The following SORCS2 variants were observed in gnomAD, a reference collection of about 807,000 sequenced individuals.
The protein encoded by SORCS2 is sortilin related VPS10 domain containing receptor 2.
A neutral mutation model predicts 141.6 loss-of-function variants in SORCS2; 100 were observed. The ratio of observed to expected loss-of-function variants is 0.71; its 90% CI spans 0.60 to 0.83. SORCS2 has a LOEUF of 0.83. Among genes scored for constraint, SORCS2 ranks in the 40% least tolerant of loss-of-function variants. SORCS2 has a pLI of 0.00. For synonymous variants in SORCS2, 789 were observed against 676.9 expected, an observed-to-expected ratio of 1.17 and a Z score of -2.57; for missense variants, 1,646 against 1,560.2, an observed-to-expected ratio of 1.05 and a Z score of -0.93.
chr4:7,363,104 C>T (rs1210225963), intron 1 of SORCS2, among the ~76,000 whole-genome samples: 3 of 149,680 alleles, frequency 2.0e-5, no homozygotes, highest in Admixed American at 6.6e-5. Context: ...TCACCACTAC[C>T]ATCACCATCA....
At chr4:7,738,947 C>A (rs1422813604) in intron 26 of SORCS2, among the ~76,000 whole-genome samples, 2 of 152,142 alleles carry the variant, frequency 1.3e-5, no homozygotes. Flanking sequence ...CATCGCCAGC[C>A]CAGGTGTGTT....
chr4:7,280,989 C>T (rs1327423292), intron 1 of SORCS2, among the ~76,000 whole-genome samples: 2 of 152,164 alleles, frequency 1.3e-5, no homozygotes, highest in Non-Finnish European at 2.9e-5. Flanking sequence ...CCAAAGAGCC[C>T]AGTGTGAGGA....
At chr4:7,682,103 C>T (rs1723559792) in intron 9 of SORCS2, among the ~76,000 whole-genome samples, 1 of 152,184 alleles carries the variant, frequency 6.6e-6, no homozygotes, top group Admixed American at 6.5e-5. Context: ...TCTTATAGGT[C>T]AACTTAGTAA....
intron 3 of SORCS2, among the ~76,000 whole-genome samples, chr4:7,569,905 C>T (rs1315023227): frequency 6.6e-6 from 1 of 152,198 alleles, no homozygotes; most frequent in East Asian, 1.9e-4. Context: ...GAACTTCCTC[C>T]TCCCCACCCC....
chr4:7,555,601 G>GCC, intron 3 of SORCS2, among the ~76,000 whole-genome samples: 1 of 152,232 alleles, frequency 6.6e-6, no homozygotes, highest in Non-Finnish European at 1.5e-5. Context: ...AACAGACATA[G>GCC]CCCCTGCTCT....
Position 7,663,462 on chromosome 4 carries a change from G to A in SORCS2, c.953-891G>A, listed in dbSNP as rs143711940. On this transcript the variant is annotated intron_variant, in intron 6 of 26. Coordinates refer to ENST00000507866, the MANE Select transcript of SORCS2 (RefSeq NM_020777.3). The surrounding 1 kb of genome is among the most constrained non-coding windows in gnomAD (Gnocchi z 4.8). The stretch of plus-strand genomic sequence containing the variant: ...GTTCAGTGGTTCAGTGTTGAGTGCC[G>A]GGCACACCAGTCAGTTTCAAGGGAA... Among the ~76,000 whole-genome samples the A allele has an allele frequency of 1.0e-3, 156 of 152,284 alleles. No homozygotes were observed. The highest frequency in any genetic ancestry group is 6.8e-3 in the Middle Eastern group (2 of 292).
intron 1 of SORCS2, among the ~76,000 whole-genome samples, chr4:7,384,055 A>G (rs1253193111): frequency 6.6e-6 from 1 of 152,188 alleles, no homozygotes; most frequent in Non-Finnish European, 1.5e-5. Context: ...TATTTCAGAC[A>G]CTGGGTTTCG....
At chr4:7,460,835 G>A (rs1366232627) in intron 2 of SORCS2, among the ~76,000 whole-genome samples, 2 of 152,164 alleles carry the variant, frequency 1.3e-5, no homozygotes, top group Admixed American at 6.5e-5. Context: ...TGACCCTGCC[G>A]TGAACTCACA....
At chr4:7,359,322 C>T (rs368052928) in intron 1 of SORCS2, among the ~76,000 whole-genome samples, 1 of 134,916 alleles carries the variant, frequency 7.4e-6, no homozygotes, top group Admixed American at 7.3e-5. Flanking sequence ...ACAAAAAAAA[C>T]AAAGACTTAC....
At chr4:7,383,855 A>G (rs572598655) in intron 1 of SORCS2, among the ~76,000 whole-genome samples, 2 of 152,356 alleles carry the variant, frequency 1.3e-5, no homozygotes, top group South Asian at 4.1e-4. Context: ...TGGAGAGTAA[A>G]TAATATTTTC....
intron 3 of SORCS2, among the ~76,000 whole-genome samples, chr4:7,584,493 C>T (rs1442414074): frequency 6.6e-6 from 1 of 152,216 alleles, no homozygotes; most frequent in South Asian, 2.1e-4. Flanking sequence ...CTCCACCTCA[C>T]AGGGAAGAAA....
intron 2 of SORCS2, among the ~76,000 whole-genome samples, chr4:7,507,394 C>T (rs1318181124): frequency 1.3e-5 from 2 of 152,078 alleles, no homozygotes; most frequent in African/African-American, 2.4e-5. Context: ...AGGATGGTCT[C>T]GATCTTCTGA....
Position 7,734,364 on chromosome 4 carries a change from A to C in SORCS2, c.3301A>C (p.Lys1101Gln), listed in dbSNP as rs1427603954. ...CGCAGCGGGAGCCTTCATCCTCTAC[A>C]AGTTCAAAAGGCAAGGCCCTTGGCT... Reference protein sequence around the residue: ...LFAAGAFILYKFKRKRPGRTV... With the variant: ...LFAAGAFILYQFKRKRPGRTV... Residue 1101 changes from lysine (K) to glutamine (Q), a missense_variant, in exon 25 of 27, where the codon AAG becomes CAG. Physicochemically the swap from Lys to Gln is moderately conservative, Grantham distance 53 (BLOSUM62 1). Transcript: ENST00000507866. 6.4e-7 allele frequency: 1 copy of C among 1,556,090 alleles called. No individual in the cohort carries two copies. Among genetic ancestry groups the C allele is most frequent in the Non-Finnish European group, 8.7e-7 (1 of 1,150,002 alleles).
chr4:7,486,632 C>G (rs1437846068), intron 2 of SORCS2, among the ~76,000 whole-genome samples: 1 of 152,184 alleles, frequency 6.6e-6, no homozygotes, highest in Non-Finnish European at 1.5e-5. Flanking sequence ...GAGAATTATT[C>G]TCTCCCAGAA....
At chr4:7,340,833 A>G (rs746666223) in intron 1 of SORCS2, among the ~76,000 whole-genome samples, 36 of 152,360 alleles carry the variant, frequency 2.4e-4, no homozygotes, top group Non-Finnish European at 4.8e-4. Flanking sequence ...TAAGACGCAC[A>G]AGCCAAACTT....
At chr4:7,342,627 C>A (rs1560206623) in intron 1 of SORCS2, among the ~76,000 whole-genome samples, 1 of 152,082 alleles carries the variant, frequency 6.6e-6, no homozygotes, top group Non-Finnish European at 1.5e-5. Context: ...CCTGCTTGCA[C>A]CCCCTAGCTA....
chr4:7,475,700 C>T (rs1730250046), intron 2 of SORCS2, among the ~76,000 whole-genome samples: 1 of 151,704 alleles, frequency 6.6e-6, no homozygotes, highest in South Asian at 2.1e-4. Context: ...TGTTCATGTT[C>T]ACACACAACA....
At chr4:7,461,532 G>T (rs1449669824) in intron 2 of SORCS2, among the ~76,000 whole-genome samples, 2 of 152,240 alleles carry the variant, frequency 1.3e-5, no homozygotes, top group African/African-American at 4.8e-5. Flanking sequence ...GGATTTTCAT[G>T]CACGTGACAA....
At chr4:7,467,967 C>T (rs1281191738) in intron 2 of SORCS2, among the ~76,000 whole-genome samples, 1 of 152,226 alleles carries the variant, frequency 6.6e-6, no homozygotes, top group Non-Finnish European at 1.5e-5. Flanking sequence ...AAGGGGCTGG[C>T]TCTGTCCTCC....
Sources: allele counts gnomAD v4.1 joint callset (sites outside exome capture counted in the v4.1 genomes callset), GRCh38; gene constraint gnomAD v4.1.1; non-coding constraint Gnocchi (gnomAD v3.1); transcripts MANE v1.5; gene names NCBI Gene and HGNC (gene_info 2026-07-23, HGNC 2026-07-21).